The following SPATA17 variants were observed in gnomAD, a reference collection of about 807,000 sequenced individuals.
SPATA17 encodes the protein spermatogenesis-associated protein 17.
In SPATA17, 53 loss-of-function variants were observed where a neutral mutation model predicts 62.2. That is an observed-to-expected ratio of 0.85 (90% CI 0.68 to 1.07). SPATA17 has a LOEUF of 1.07. SPATA17 is among the 50% of genes least tolerant of loss of function. The pLI, the probability that SPATA17 is intolerant of heterozygous loss-of-function variation, is 0.00. For synonymous variants in SPATA17, 146 were observed against 146.8 expected (o/e 0.99, Z 0.04); for missense variants, 466 against 425.5 (o/e 1.10, Z -0.84).
rs115835165 is a variant in SPATA17, at chr1:217,687,056, A to G, written c.395+3695A>G. On this transcript the variant is annotated intron_variant, in intron 5 of 10. Coordinates refer to ENST00000366933, the MANE Select transcript of SPATA17 (RefSeq NM_138796.4). The stretch of plus-strand genomic sequence containing the variant: ...TTAAATATTTTTTATTGTTGGAGAT[A>G]CAGTTGTTCTAAATTTTTGCTATTG... Among the ~76,000 whole-genome samples, 694 of 152,280 alleles carry G rather than the reference A, an allele frequency of 4.6e-3. 4 individuals are homozygous for G. The highest frequency in any genetic ancestry group is 0.015 in the African/African-American group (640 of 41,562).
chr1:217,686,513 A>C (rs1671218953), intron 5 of SPATA17, among the ~76,000 whole-genome samples: 1 of 152,072 alleles, frequency 6.6e-6, no homozygotes, highest in Admixed American at 6.6e-5. Flanking sequence ...TATATTTTTT[A>C]GAGAAACATC....
Position 217,654,294 on chromosome 1 carries a change from C to T in SPATA17, c.240+3116C>T, listed in dbSNP as rs146126963. Among the ~76,000 whole-genome samples, 27 of 152,000 alleles carry T rather than the reference C, an allele frequency of 1.8e-4. No homozygotes were observed. In the East Asian group the frequency reaches 4.1e-3, roughly 23 times the overall value. On this transcript the variant is annotated intron_variant, in intron 3 of 10. Transcript: ENST00000366933. ...CTGGAATTACAGGGACCTGCCATCACGCCCGGCTAATTTTCTTGTGTTTTT... is the reference window on the plus strand; with the variant it reads ...CTGGAATTACAGGGACCTGCCATCATGCCCGGCTAATTTTCTTGTGTTTTT...
intron 5 of SPATA17, among the ~76,000 whole-genome samples, chr1:217,689,130 C>T (rs748101639): frequency 9.9e-5 from 15 of 150,826 alleles, no homozygotes; most frequent in African/African-American, 1.9e-4. Flanking sequence ...ATGATTAACA[C>T]GGTAGATTCG....
At chr1:217,648,329 C>G (rs974251644) in intron 1 of SPATA17, among the ~76,000 whole-genome samples, 1 of 152,186 alleles carries the variant, frequency 6.6e-6, no homozygotes, top group Non-Finnish European at 1.5e-5. Context: ...GGATCACTGA[C>G]TTGAATTTCT....
chr1:217,831,282 TG>T (rs1339690152), intron 9 of SPATA17, among the ~76,000 whole-genome samples: 1 of 152,196 alleles, frequency 6.6e-6, no homozygotes, highest in Non-Finnish European at 1.5e-5. Flanking sequence ...GTAACTTGCC[TG>T]TAAGCAGCAT....
At chr1:217,712,358 T>A (rs1333306283) in intron 5 of SPATA17, among the ~76,000 whole-genome samples, 1 of 152,082 alleles carries the variant, frequency 6.6e-6, no homozygotes, top group Non-Finnish European at 1.5e-5. Context: ...ACTCCCAACC[T>A]CAGTTGATCC....
intron 9 of SPATA17, among the ~76,000 whole-genome samples, chr1:217,835,483 A>G (rs1477034231): frequency 6.6e-6 from 1 of 152,164 alleles, no homozygotes; most frequent in Non-Finnish European, 1.5e-5. Context: ...CTAGATTAAG[A>G]ATTTGTTCAA....
chr1:217,709,351 G>A (rs970236099), intron 5 of SPATA17, among the ~76,000 whole-genome samples: 4 of 152,146 alleles, frequency 2.6e-5, no homozygotes, highest in Non-Finnish European at 4.4e-5. Flanking sequence ...GTCAGCCAGG[G>A]CTGCTGCCTC....
chr1:217,659,415 A>G (rs956975785), intron 3 of SPATA17, among the ~76,000 whole-genome samples: 2 of 152,150 alleles, frequency 1.3e-5, no homozygotes, highest in African/African-American at 4.8e-5. Context: ...GAAGGTTGGT[A>G]AGGAGTTCAG....
At chr1:217,788,302 G>C (rs772540103) in intron 8 of SPATA17, among the ~76,000 whole-genome samples, 10 of 151,960 alleles carry the variant, frequency 6.6e-5, no homozygotes, top group African/African-American at 9.7e-5. Flanking sequence ...AATAGGTTTA[G>C]GATATTGCAA....
intron 1 of SPATA17, among the ~76,000 whole-genome samples, chr1:217,633,766 G>A (rs191745654): frequency 1.0e-3 from 155 of 152,284 alleles, no homozygotes; most frequent in Non-Finnish European, 8.2e-4. Context: ...TTCTGTTTTC[G>A]TAACAAGGTA....
intron 5 of SPATA17, among the ~76,000 whole-genome samples, chr1:217,713,483 C>G (rs538039712): frequency 6.6e-6 from 1 of 152,284 alleles, no homozygotes; most frequent in East Asian, 1.9e-4. Context: ...CCAGGTCTTT[C>G]TTTAAGAAGT....
chr1:217,828,640 C>A (rs1177169969), intron 9 of SPATA17, among the ~76,000 whole-genome samples: 1 of 150,544 alleles, frequency 6.6e-6, no homozygotes, highest in Non-Finnish European at 1.5e-5. Context: ...GCAAAGGAAA[C>A]AATCAACAAC....
At chr1:217,736,605 C>G (rs547780898) in intron 5 of SPATA17, among the ~76,000 whole-genome samples, 1 of 152,120 alleles carries the variant, frequency 6.6e-6, no homozygotes, top group Non-Finnish European at 1.5e-5. Flanking sequence ...AAATGAAATA[C>G]AGCCATTGTG....
chr1:217,720,863 G>T (rs989118003), intron 5 of SPATA17, among the ~76,000 whole-genome samples: 1 of 152,160 alleles, frequency 6.6e-6, no homozygotes, highest in Admixed American at 6.5e-5. Context: ...ACACTCCAGC[G>T]GAGAGGATGT....
chr1:217,714,488 C>CTTTTTTTTT (rs750665329), intron 5 of SPATA17, among the ~76,000 whole-genome samples: 4 of 121,430 alleles, frequency 3.3e-5, no homozygotes, highest in African/African-American at 6.5e-5. Flanking sequence ...AAACGTGTTT[C>CTTTTTTTTT]TTTTTTTTTT....
intron 1 of SPATA17, among the ~76,000 whole-genome samples, chr1:217,636,516 G>T (rs557093135): frequency 6.6e-6 from 1 of 152,242 alleles, no homozygotes; most frequent in African/African-American, 2.4e-5. Flanking sequence ...AGGTTCAGCA[G>T]ATTCTCCTGC....
intron 5 of SPATA17, among the ~76,000 whole-genome samples, chr1:217,706,620 C>T (rs936290946): frequency 6.6e-6 from 1 of 152,182 alleles, no homozygotes; most frequent in Non-Finnish European, 1.5e-5. Context: ...AAGGCTTCCA[C>T]AGTCATGCAG....
intron 5 of SPATA17, among the ~76,000 whole-genome samples, chr1:217,727,174 GAGGCGGAGGTTGCCGTC>G (rs2102938617): frequency 6.6e-6 from 1 of 151,848 alleles, no homozygotes; most frequent in East Asian, 2.0e-4. Context: ...TCGAACCCGG[GAGGCGGAGGTTGCCGTC>G]AGCGGAGATC....
Sources: gnomAD v4.1 joint callset for allele counts (sites outside exome capture counted in the v4.1 genomes callset) on GRCh38, gnomAD v4.1.1 for gene constraint, MANE v1.5 for transcripts, NCBI Gene and HGNC (gene_info 2026-07-23, HGNC 2026-07-21) for gene names.